The following DHRS7B variants were observed in gnomAD, a reference collection of about 807,000 sequenced individuals.
DHRS7B encodes the protein peroxisomal reductase activating PPAR-gamma.
Under a neutral mutation model 26.4 loss-of-function variants are expected in DHRS7B, and 24 were observed. The ratio of observed to expected loss-of-function variants is 0.91; its 90% CI spans 0.66 to 1.28. The LOEUF is 1.28. Among genes scored for constraint, DHRS7B ranks in the 50% most tolerant of loss-of-function variants. The pLI, the probability that DHRS7B is intolerant of heterozygous loss-of-function variation, is 0.00. For synonymous variants in DHRS7B, 142 were observed against 166.4 expected (o/e 0.85, Z 1.13); for missense variants, 368 against 419.4 (o/e 0.88, Z 1.07).
At chr17:21,150,314 CA>C (rs1973741987) in intron 1 of DHRS7B, among the ~76,000 whole-genome samples, 1 of 151,132 alleles carries the variant, frequency 6.6e-6, no homozygotes, top group Non-Finnish European at 1.5e-5. Flanking sequence ...AGACATGCAA[CA>C]AATCAAGAAG....
chr17:21,138,794 T>C (rs1410245824), intron 1 of DHRS7B, among the ~76,000 whole-genome samples: 2 of 152,138 alleles, frequency 1.3e-5, no homozygotes, highest in Non-Finnish European at 2.9e-5. Context: ...CAAGAATGTT[T>C]TCCTACAATA....
intron 1 of DHRS7B, among the ~76,000 whole-genome samples, chr17:21,132,542 A>AC (rs1156356130): frequency 1.4e-4 from 20 of 147,126 alleles, no homozygotes; most frequent in African/African-American, 2.3e-4. Context: ...AAAAAAAAAA[A>AC]AAAAAAACAA....
At chr17:21,157,780 C>T (rs1210496004) in intron 1 of DHRS7B, among the ~76,000 whole-genome samples, 1 of 151,546 alleles carries the variant, frequency 6.6e-6, no homozygotes, top group Non-Finnish European at 1.5e-5. Context: ...ATGGTGAAAC[C>T]CCATCTCTAC....
chr17:21,149,436 G>C lies in DHRS7B; in HGVS notation c.20+22445G>C, dbSNP rs549249977. On this transcript the variant is annotated intron_variant, in intron 1 of 6. Coordinates refer to ENST00000395511, the MANE Select transcript of DHRS7B (RefSeq NM_015510.5). ...TGAATGTCTAAAACCCACTGATAAA[G>C]TTAAGTACGTGGACAAACCCAGAAT... 1.1e-4 allele frequency among the ~76,000 whole-genome samples: 16 copies of C among 152,300 alleles called. No individual in the cohort carries two copies. In the East Asian group the frequency reaches 2.5e-3, roughly 24 times the overall value.
intron 6 of DHRS7B, 63 bp from the exon 7 acceptor site, chr17:21,190,885 C>T: frequency 6.4e-7 from 1 of 1,568,596 alleles, no homozygotes; most frequent in African/African-American, 1.4e-5. Flanking sequence ...CACATCAGCT[C>T]CACTCCTCAA....
At chr17:21,157,380 C>CCAAG (rs1973904397) in intron 1 of DHRS7B, among the ~76,000 whole-genome samples, 1 of 152,122 alleles carries the variant, frequency 6.6e-6, no homozygotes, top group South Asian at 2.1e-4. Flanking sequence ...TGGGATTTAT[C>CCAAG]CAAGATGTGT....
At chr17:21,189,757 A>G (rs1025810080) in intron 6 of DHRS7B, among the ~76,000 whole-genome samples, 8 of 152,246 alleles carry the variant, frequency 5.3e-5, no homozygotes, top group Non-Finnish European at 1.2e-4. Flanking sequence ...CACTTAAAAA[A>G]TTATCTCTGC....
At chr17:21,147,531 A>G (rs1226139643) in intron 1 of DHRS7B, among the ~76,000 whole-genome samples, 1 of 152,216 alleles carries the variant, frequency 6.6e-6, no homozygotes, top group Non-Finnish European at 1.5e-5. Context: ...CCATGGAGAA[A>G]TGAAAAAGCT....
Position 21,141,640 on chromosome 17 carries a change from A to AAAAAAAAAAAAG in DHRS7B, c.20+14649_20+14650insAAAAAAAAAAAG. 9.3e-3 allele frequency among the ~76,000 whole-genome samples: 842 copies of AAAAAAAAAAAAG among 90,058 alleles called. 69 individuals carry two copies. The highest frequency in any genetic ancestry group is 0.01 in the Non-Finnish European group (499 of 48,490). The allele number at this position is 90,058 out of a possible 152,430, so 59.1% of individuals were successfully genotyped here. Reference sequence around the variant, plus strand: ...AAAGCAAAAAAAAAAAAAAAAAAAAACAACCTCATCTCAAACTCCACAAAG... The same window carrying AAAAAAAAAAAAG: ...AAAGCAAAAAAAAAAAAAAAAAAAAAAAAAAAAAAAAGCAACCTCATCTCAAACTCCACAAAG... On this transcript the variant is annotated intron_variant, in intron 1 of 6. Transcript: ENST00000395511.
chr17:21,172,081 G>A lies in DHRS7B; in HGVS notation c.84G>A (p.Leu28=). 6.2e-7 allele frequency: 1 copy of A among 1,614,244 alleles called. No individual in the cohort carries two copies. ...CCTCCACAGCCATCCTGCCCCTGCT[G>A]TTCGGCTGCCTGGGCGTCTTCGGCC... ...FITSTAILPL[L]FGCLGVFGLF... The change falls in exon 2 of 7, where the codon CTG becomes CTA. Residue 28 remains leucine, a synonymous_variant. Coordinates refer to ENST00000395511, the MANE Select transcript of DHRS7B (RefSeq NM_015510.5).
chr17:21,177,688 C>T (rs1974414715), intron 2 of DHRS7B, among the ~76,000 whole-genome samples: 1 of 152,206 alleles, frequency 6.6e-6, no homozygotes, highest in South Asian at 2.1e-4. Flanking sequence ...GCCTGTGGCC[C>T]TTCAGGCACT....
intron 1 of DHRS7B, chr17:21,128,423 C>T: frequency 6.6e-6 from 1 of 152,266 alleles, no homozygotes; most frequent in Non-Finnish European, 1.5e-5. Flanking sequence ...ATTGGCTGGG[C>T]GCGGTGGCTC....
In DHRS7B at chr17:21,178,333, T is replaced by C. The variant is rs370358348; in HGVS notation, c.300T>C (p.His100=). Reference sequence around the variant, plus strand: ...TCATCAGAGAACTCACCGCTTCTCATGCCACCAAGGTGAGCCAGGGGCGTG... The same window carrying C: ...TCATCAGAGAACTCACCGCTTCTCACGCCACCAAGGTGAGCCAGGGGCGTG... The part of the protein sequence containing the change: ...EELIRELTAS[H]ATKVQTHKPY... Residue 100 remains histidine, a synonymous_variant, in exon 3 of 7, where the codon CAT becomes CAC. Coordinates refer to ENST00000395511, the MANE Select transcript of DHRS7B (RefSeq NM_015510.5). The C allele has an allele frequency of 1.7e-5, 27 of 1,613,910 alleles. No individual in the cohort carries two copies. The African/African-American group carries it at 2.9e-4, about 18-fold the overall frequency.
At chr17:21,138,101 T>TATACAC (rs1555536219) in intron 1 of DHRS7B, among the ~76,000 whole-genome samples, 56 of 86,098 alleles carry the variant, frequency 6.5e-4, no homozygotes, top group African/African-American at 2.8e-3. Flanking sequence ...TATATATATA[T>TATACAC]ACACACACAC....
intron 1 of DHRS7B, among the ~76,000 whole-genome samples, chr17:21,153,453 G>C (rs1333057859): frequency 1.3e-5 from 2 of 152,176 alleles, no homozygotes; most frequent in African/African-American, 4.8e-5. Flanking sequence ...AGAAAGAAGA[G>C]AGAAAGGAAT....
At position 21,191,201 on chromosome 17, in the gene DHRS7B, T is replaced by G. The variant is rs763214397; in HGVS notation, c.*48T>G. ...GGCAGAGAAGCAGCACTCTTAGGCT[T>G]GCTTACTCTACAAGGGACAGTTGCA... is the stretch of plus-strand genomic sequence containing the variant. On this transcript the variant is annotated 3_prime_UTR_variant, in exon 7 of 7. Transcript: ENST00000395511. The G allele has an allele frequency of 6.3e-7, 1 of 1,583,822 alleles. No individual in the cohort carries two copies. The highest frequency in any genetic ancestry group is 8.7e-7 in the Non-Finnish European group (1 of 1,155,190).
intron 2 of DHRS7B, among the ~76,000 whole-genome samples, chr17:21,176,818 G>A (rs754111034): frequency 3.9e-5 from 6 of 152,038 alleles, no homozygotes; most frequent in Non-Finnish European, 7.4e-5. Context: ...GAAACAAAGA[G>A]GTTCTAACTT....
chr17:21,151,694 T>C (rs1370861290), intron 1 of DHRS7B, among the ~76,000 whole-genome samples: 2 of 152,178 alleles, frequency 1.3e-5, no homozygotes, highest in Non-Finnish European at 1.5e-5. Flanking sequence ...GAAACCTCTG[T>C]GGGAACCAGT....
At position 21,183,762 on chromosome 17, in the gene DHRS7B, A is replaced by C. The variant is rs1431274432; in HGVS notation, c.478A>C (p.Lys160Gln). 1 of 1,614,240 alleles carries C rather than the reference A, an allele frequency of 6.2e-7. No individual in the cohort carries two copies. The highest frequency in any genetic ancestry group is 1.7e-5 in the Admixed American group (1 of 60,028). ...CATGGACACCACAGTGGATGTGGAC[A>C]AGAGGGTCATGGAGACAAACTACTT... The part of the protein sequence containing the change: ...TIMDTTVDVD[K>Q]RVMETNYFGP... Residue 160 changes from lysine (K) to glutamine (Q), a missense_variant, in exon 4 of 7, where the codon AAG (lysine) becomes CAG (glutamine). Lys to Gln is a moderately conservative substitution (Grantham distance 53). Coordinates refer to ENST00000395511, the MANE Select transcript of DHRS7B (RefSeq NM_015510.5).
Sources: allele counts gnomAD v4.1 joint callset (sites outside exome capture counted in the v4.1 genomes callset), GRCh38; gene constraint gnomAD v4.1.1; transcripts MANE v1.5; gene names NCBI Gene and HGNC (gene_info 2026-07-23, HGNC 2026-07-21).